The following FIG4 variants were observed in gnomAD, a reference collection of about 807,000 sequenced individuals.
FIG4 encodes the protein polyphosphoinositide phosphatase.
In FIG4, 112 loss-of-function variants were observed where a neutral mutation model predicts 118.6. The observed-to-expected ratio is 0.94, with a 90% CI of 0.81 to 1.11. FIG4 has a LOEUF of 1.11. Ranked by LOEUF, FIG4 falls within the 50% of genes least tolerant of loss-of-function variation. The pLI is 0.00. For missense variants in FIG4, 969 were observed against 1,111.7 expected (o/e 0.87, Z 1.83); for synonymous variants, 369 against 381.2 (o/e 0.97, Z 0.37).
At chr6:109,786,139 C>T in intron 17 of FIG4, 163 bp from the exon 18 acceptor site, 3 of 626,760 alleles carry the variant, frequency 4.8e-6, no homozygotes, top group Non-Finnish European at 8.4e-6. Flanking sequence ...ATCTCATCTC[C>T]TTTCTAACTG....
At chr6:109,703,326 T>C (rs973495882) in intron 1 of FIG4, among the ~76,000 whole-genome samples, 1 of 152,158 alleles carries the variant, frequency 6.6e-6, no homozygotes. Flanking sequence ...GAAGCTGTGC[T>C]AACTTCTTTT....
chr6:109,757,021 T>A (rs143311599), intron 10 of FIG4, among the ~76,000 whole-genome samples: 1 of 152,162 alleles, frequency 6.6e-6, no homozygotes, highest in Non-Finnish European at 1.5e-5. Context: ...TCACCCGTCT[T>A]CTGCGTCGCT....
At chr6:109,711,201 C>T (rs6900187) in intron 1 of FIG4, among the ~76,000 whole-genome samples, 43,866 of 151,814 alleles carry the variant, frequency 0.29, 6,841 homozygotes, top group Non-Finnish European at 0.35. Context: ...AGATCGATAC[C>T]ATCTTGGCTA....
chr6:109,819,036 A>G (rs1374091243), intron 22 of FIG4, among the ~76,000 whole-genome samples: 2 of 152,152 alleles, frequency 1.3e-5, no homozygotes, highest in Admixed American at 1.3e-4. Context: ...TGTAAGTAGG[A>G]CCCACTCCAT....
At position 109,727,206 on chromosome 6, in the gene FIG4, T is replaced by C. The variant is rs886852539; in HGVS notation, c.387T>C (p.Asp129=). The change falls in exon 4 of 23, where the codon GAT becomes GAC. Residue 129 remains aspartate (D), a synonymous_variant. Transcript: ENST00000230124. ...IGGHAIYKVE[D]TNMIYIPNDS... ...GTCATGCAATCTATAAGGTCGAAGATACAAATATGATCTATATACCCAATG... is the reference window on the plus strand; with the variant it reads ...GTCATGCAATCTATAAGGTCGAAGACACAAATATGATCTATATACCCAATG... The C allele has an allele frequency of 6.2e-7, 1 of 1,612,586 alleles. No homozygotes were observed. The highest frequency in any genetic ancestry group is 1.7e-5 in the Admixed American group (1 of 59,962).
rs1022477936 is a variant in FIG4, at chr6:109,691,306, A to G, written c.-130A>G. On this transcript the variant is annotated 5_prime_UTR_variant, in exon 1 of 23. The change creates a new upstream start codon in the 5' untranslated region. Transcript: ENST00000230124. Reference sequence around the variant, plus strand: ...GATCCGGAAACACCTGATCATCTATAGGTTTAGTGCCTAATGGGTGTTGTT... The same window carrying G: ...GATCCGGAAACACCTGATCATCTATGGGTTTAGTGCCTAATGGGTGTTGTT... The G allele has an allele frequency of 2.6e-5, 20 of 755,046 alleles. No individual in the cohort carries two copies. In the African/African-American group the frequency reaches 3.5e-4, roughly 13 times the overall value. 46.8% of individuals were successfully genotyped at this position (755,046 alleles called of 1,614,324 possible).
intron 16 of FIG4, among the ~76,000 whole-genome samples, chr6:109,782,549 T>C (rs1036768751): frequency 3.3e-5 from 5 of 152,186 alleles, no homozygotes; most frequent in African/African-American, 1.2e-4. Context: ...AAACACATTT[T>C]TTGTAATGTC....
intron 10 of FIG4, among the ~76,000 whole-genome samples, chr6:109,746,616 T>C (rs1231640490): frequency 6.6e-6 from 1 of 152,150 alleles, no homozygotes; most frequent in Admixed American, 6.6e-5. Flanking sequence ...GAGATGGTTA[T>C]GGCCAGACCA....
intron 16 of FIG4, among the ~76,000 whole-genome samples, chr6:109,782,615 A>G (rs1214230781): frequency 6.6e-6 from 1 of 152,138 alleles, no homozygotes; most frequent in African/African-American, 2.4e-5. Flanking sequence ...GGAATTTCTC[A>G]TATACTGATA....
chr6:109,732,816 C>A, intron 5 of FIG4, 129 bp downstream of exon 5: 1 of 609,936 alleles, frequency 1.6e-6, no homozygotes, highest in East Asian at 2.8e-5. Flanking sequence ...TATCTAAAAT[C>A]ATTAAAATAT....
intron 2 of FIG4, among the ~76,000 whole-genome samples, chr6:109,716,204 T>C (rs1481295007): frequency 6.6e-6 from 1 of 152,206 alleles, no homozygotes; most frequent in African/African-American, 2.4e-5. Context: ...GCATCTCTGG[T>C]TTAGAGTATA....
At chr6:109,755,079 T>C (rs1776841993) in intron 10 of FIG4, among the ~76,000 whole-genome samples, 1 of 152,248 alleles carries the variant, frequency 6.6e-6, no homozygotes, top group Non-Finnish European at 1.5e-5. Flanking sequence ...CATTTAGTGC[T>C]ATAAATTTCA....
At chr6:109,779,721 C>G (rs1169440333) in intron 16 of FIG4, among the ~76,000 whole-genome samples, 2 of 152,086 alleles carry the variant, frequency 1.3e-5, no homozygotes, top group South Asian at 4.1e-4. Context: ...TCTAGTGTCA[C>G]CCACCTGTAC....
At chr6:109,753,577 A>G (rs765190396) in intron 10 of FIG4, among the ~76,000 whole-genome samples, 1 of 152,214 alleles carries the variant, frequency 6.6e-6, no homozygotes, top group Non-Finnish European at 1.5e-5. Context: ...ACCCGTGAGC[A>G]TGGAATGTTC....
intron 1 of FIG4, among the ~76,000 whole-genome samples, chr6:109,699,724 G>A (rs1002638540): frequency 2.6e-5 from 4 of 152,058 alleles, no homozygotes; most frequent in East Asian, 1.9e-4. Flanking sequence ...GCCTGGTCTC[G>A]AACTCCTGAC....
In FIG4 at chr6:109,727,104, C is replaced by T. The variant is rs763658363; in HGVS notation, c.290-5C>T. 6.2e-6 allele frequency: 10 copies of T among 1,603,574 alleles called. No homozygotes were observed. The highest frequency in any genetic ancestry group is 8.5e-6 in the Non-Finnish European group (10 of 1,170,644). On this transcript the variant is annotated splice_polypyrimidine_tract_variant and splice_region_variant and intron_variant, in intron 3 of 22. Coordinates refer to ENST00000230124, the MANE Select transcript of FIG4 (RefSeq NM_014845.6). ...GCATATTTCTCTTTATTTTTTGTTG[C>T]ATAGGTTTTGTCAGGTTCTTAGAAG... is the stretch of plus-strand genomic sequence containing the variant.
At chr6:109,764,593 T>C (rs1006828280) in intron 13 of FIG4, among the ~76,000 whole-genome samples, 23 of 152,106 alleles carry the variant, frequency 1.5e-4, no homozygotes, top group Non-Finnish European at 3.1e-4. Flanking sequence ...CAAGTGTATA[T>C]ACTATATATG....
chr6:109,742,076 G>A (rs1776341404), intron 8 of FIG4, among the ~76,000 whole-genome samples: 1 of 152,080 alleles, frequency 6.6e-6, no homozygotes. Flanking sequence ...TGAAAAGTCA[G>A]CTATCTTAGA....
intron 1 of FIG4, among the ~76,000 whole-genome samples, chr6:109,708,855 GAT>G (rs1286162797): frequency 6.6e-6 from 1 of 151,998 alleles, no homozygotes; most frequent in Non-Finnish European, 1.5e-5. Flanking sequence ...ACAGATGGTG[GAT>G]ATTAGATCTC....
Sources: gnomAD v4.1 joint callset for allele counts (sites outside exome capture counted in the v4.1 genomes callset) on GRCh38, gnomAD v4.1.1 for gene constraint, MANE v1.5 for transcripts, NCBI Gene and HGNC (gene_info 2026-07-23, HGNC 2026-07-21) for gene names.